Variants in MCF2L observed in about 807,000 individuals in gnomAD.
MCF2L encodes the protein guanine nucleotide exchange factor DBS.
Under a neutral mutation model 153.4 loss-of-function variants are expected in MCF2L, and 97 were observed. The ratio of observed to expected loss-of-function variants is 0.63; its 90% CI spans 0.54 to 0.75. The LOEUF is 0.75. MCF2L is among the 30% of genes least tolerant of loss of function. The pLI is 0.00. For synonymous variants in MCF2L, 659 were observed against 632.2 expected (o/e 1.04, Z -0.64); for missense variants, 1,347 against 1,495.2 (o/e 0.90, Z 1.64).
chr13:112,938,689 A>G (rs2081546741), intron 2 of MCF2L, among the ~76,000 whole-genome samples: 1 of 152,146 alleles, frequency 6.6e-6, no homozygotes, highest in Non-Finnish European at 1.5e-5. Context: ...CATGTCAACT[A>G]TTTAATATAA....
At chr13:113,057,045 GTGTT>G (rs201401462) in intron 4 of MCF2L, among the ~76,000 whole-genome samples, 32 of 143,700 alleles carry the variant, frequency 2.2e-4, no homozygotes, top group East Asian at 4.3e-4. Context: ...TGGGCGCTGA[GTGTT>G]TGGGTGCTGT....
intron 1 of MCF2L, chr13:113,001,906 G>C (rs755488652): frequency 6.3e-7 from 1 of 1,592,690 alleles, no homozygotes; most frequent in Non-Finnish European, 8.5e-7. Context: ...CTCGCACTGG[G>C]CAGCATGACG....
Position 113,091,040 on chromosome 13 carries a change from G to A in MCF2L, c.2953+1312G>A, listed in dbSNP as rs1022094556. 1.9e-5 allele frequency: 25 copies of A among 1,298,466 alleles called. No individual in the cohort carries two copies. In the African/African-American group the frequency reaches 2.1e-4, roughly 11 times the overall value. 80.4% of individuals were successfully genotyped at this position (1,298,466 alleles called of 1,614,324 possible). ...GTCGGTGTCCCCTTCCAGCACGAGC[G>A]CGGGTCAGCCTCCTCGCCGCCTCCC... On this transcript the variant is annotated intron_variant, in intron 26 of 29. Transcript: ENST00000535094.
chr13:112,915,834 C>A (rs1243205989), intron 2 of MCF2L, among the ~76,000 whole-genome samples: 1 of 152,044 alleles, frequency 6.6e-6, no homozygotes, highest in Non-Finnish European at 1.5e-5. Context: ...TATCCCTATT[C>A]AATATTATAC....
intron 1 of MCF2L, among the ~76,000 whole-genome samples, chr13:112,899,498 A>C (rs1215310359): frequency 6.6e-6 from 1 of 151,908 alleles, no homozygotes; most frequent in Non-Finnish European, 1.5e-5. Context: ...CCTCAGGAAA[A>C]CCCACTGCTG....
chr13:112,995,175 C>T (rs1022641184), intron 1 of MCF2L, among the ~76,000 whole-genome samples: 5 of 152,212 alleles, frequency 3.3e-5, no homozygotes, highest in Admixed American at 1.3e-4. Flanking sequence ...GCCCCGGGCT[C>T]CCCTCGTTTT....
chr13:113,066,232 C>T, intron 8 of MCF2L, 62 bp downstream of exon 8: 1 of 1,498,428 alleles, frequency 6.7e-7, no homozygotes. Flanking sequence ...TCCTCTCAGG[C>T]ACACAGCTTC....
At chr13:112,940,462 C>T (rs745392457) in intron 2 of MCF2L, among the ~76,000 whole-genome samples, 13 of 152,306 alleles carry the variant, frequency 8.5e-5, no homozygotes, top group African/African-American at 1.7e-4. Flanking sequence ...TCGGGTGGGG[C>T]GGGGAAGGCC....
chr13:112,944,597 AGTCTCGCT>A (rs1347138563), intron 2 of MCF2L, among the ~76,000 whole-genome samples: 9 of 121,554 alleles, frequency 7.4e-5, no homozygotes, highest in African/African-American at 2.5e-4. Context: ...TTTGAGACGG[AGTCTCGCT>A]CTGTCGCCCA....
At chr13:113,000,767 G>A (rs375923459) in intron 1 of MCF2L, among the ~76,000 whole-genome samples, 285 of 152,352 alleles carry the variant, frequency 1.9e-3, no homozygotes, top group African/African-American at 6.7e-3. Flanking sequence ...CTGGGCACAC[G>A]CAGGGCAGGA....
chr13:112,926,182 C>T (rs557392276), intron 2 of MCF2L, among the ~76,000 whole-genome samples: 50 of 152,194 alleles, frequency 3.3e-4, no homozygotes, highest in African/African-American at 7.9e-4. Flanking sequence ...ATATACACAG[C>T]GGAGTGCAGT....
intron 5 of MCF2L, among the ~76,000 whole-genome samples, chr13:113,063,474 G>A (rs1170222341): frequency 2.0e-5 from 3 of 149,918 alleles, no homozygotes; most frequent in African/African-American, 5.0e-5. Context: ...CGCCCACAGC[G>A]TTCAGGCGTC....
intron 1 of MCF2L, among the ~76,000 whole-genome samples, chr13:112,996,136 G>A (rs2083121141): frequency 1.3e-5 from 2 of 152,120 alleles, no homozygotes; most frequent in Non-Finnish European, 2.9e-5. Context: ...ATCTTCTAAG[G>A]TTATCCTACA....
rs550760207 is a variant in MCF2L, at chr13:112,940,523, C to T, written c.169+38152C>T. Among the ~76,000 whole-genome samples the T allele has an allele frequency of 3.3e-5, 5 of 152,370 alleles. No individual in the cohort carries two copies. In the East Asian group the frequency reaches 7.7e-4, roughly 24 times the overall value. On this transcript the variant is annotated intron_variant, in intron 2 of 29. Coordinates refer to the MCF2L transcript ENST00000375608. ...CCTGGCCCAGCTCCCTACCCGCTGC[C>T]TATGTGGGTCACCTCTCAGTGGGTT...
intron 2 of MCF2L, among the ~76,000 whole-genome samples, chr13:112,911,129 G>A (rs78087311): frequency 0.088 from 13,457 of 152,256 alleles, 690 homozygotes; most frequent in Non-Finnish European, 0.11. Context: ...GTCTTCGGGA[G>A]CTCGTCCTGG....
rs904076772 is a variant in MCF2L at position 113,002,111 on chromosome 13, G to A, written c.80-12652G>A. On this transcript the variant is annotated intron_variant, in intron 1 of 29. Coordinates refer to ENST00000535094, the MANE Select transcript of MCF2L (RefSeq NM_001112732.3). The stretch of plus-strand genomic sequence containing the variant: ...TCAGAGGCTGCTGGGGCAGAAGCCC[G>A]GGGCTGGGGGATGCCGGGGATGGAT... 21 of 1,152,614 alleles carry A rather than the reference G, an allele frequency of 1.8e-5. No homozygotes were observed. In the East Asian group the frequency reaches 2.4e-4, roughly 13 times the overall value. 71.4% of individuals were successfully genotyped at this position (1,152,614 alleles called of 1,614,324 possible).
intron 3 of MCF2L, among the ~76,000 whole-genome samples, chr13:113,030,520 T>G (rs368814671): frequency 1.2e-5 from 1 of 86,500 alleles, no homozygotes; most frequent in African/African-American, 5.7e-5. Context: ...TGTCCGCTGA[T>G]GCAGGTGTGG....
chr13:112,933,540 G>A (rs147648351), intron 2 of MCF2L, among the ~76,000 whole-genome samples: 1 of 152,362 alleles, frequency 6.6e-6, no homozygotes, highest in Non-Finnish European at 1.5e-5. Flanking sequence ...TGGCCCTGCT[G>A]CAGATTCAGA....
At chr13:112,958,510 T>TGGGACTGGGTGGCG (rs1430254177) in intron 2 of MCF2L, among the ~76,000 whole-genome samples, 3 of 152,060 alleles carry the variant, frequency 2.0e-5, no homozygotes, top group Non-Finnish European at 2.9e-5. Flanking sequence ...CCGACGAGGG[T>TGGGACTGGGTGGCG]GGGACTGGGT....
Sources: allele counts gnomAD v4.1 joint callset (sites outside exome capture counted in the v4.1 genomes callset), GRCh38; gene constraint gnomAD v4.1.1; transcripts MANE v1.5; gene names NCBI Gene and HGNC (gene_info 2026-07-23, HGNC 2026-07-21).